The following PEPD variants were observed in gnomAD, a reference collection of about 807,000 sequenced individuals.
PEPD encodes xaa-Pro dipeptidase.
In PEPD, 53 loss-of-function variants were observed where a neutral mutation model predicts 60.7. The ratio of observed to expected loss-of-function variants is 0.87; its 90% CI spans 0.70 to 1.10. The LOEUF (loss-of-function observed/expected upper bound fraction) is 1.10. Among genes scored for constraint, PEPD ranks in the 50% least tolerant of loss-of-function variants. The pLI is 0.00. For synonymous variants in PEPD, 267 were observed against 284.1 expected (o/e 0.94, Z 0.60); for missense variants, 711 against 711.9 (o/e 1.00, Z 0.01).
chr19:33,438,489 G>A (rs766224050), intron 9 of PEPD, among the ~76,000 whole-genome samples: 1 of 152,210 alleles, frequency 6.6e-6, no homozygotes, highest in African/African-American at 2.4e-5. Flanking sequence ...CAAGACCTAC[G>A]TCAGGGCACT....
chr19:33,479,788 A>C (rs1179455632), intron 6 of PEPD, among the ~76,000 whole-genome samples: 2 of 152,216 alleles, frequency 1.3e-5, no homozygotes, highest in African/African-American at 2.4e-5. Context: ...TCCATGGTGC[A>C]TACCATACCA....
chr19:33,438,051 C>T (rs184401865), intron 9 of PEPD, among the ~76,000 whole-genome samples: 25 of 152,340 alleles, frequency 1.6e-4, no homozygotes, highest in Admixed American at 7.8e-4. Context: ...ATGAGAGCCA[C>T]GGGCAATTCT....
At chr19:33,425,496 G>C (rs902673846) in intron 9 of PEPD, among the ~76,000 whole-genome samples, 1 of 152,252 alleles carries the variant, frequency 6.6e-6, no homozygotes, top group African/African-American at 2.4e-5. Context: ...GGGAGGGAAG[G>C]GGCTGCTTTT....
At chr19:33,494,666 C>T (rs1029992589) in intron 4 of PEPD, among the ~76,000 whole-genome samples, 1 of 152,208 alleles carries the variant, frequency 6.6e-6, no homozygotes, top group Non-Finnish European at 1.5e-5. Context: ...CTGAAGACGG[C>T]CTGTGCCAGT....
chr19:33,439,547 C>T (rs1969445360), intron 9 of PEPD, among the ~76,000 whole-genome samples: 1 of 152,214 alleles, frequency 6.6e-6, no homozygotes, highest in Non-Finnish European at 1.5e-5. Flanking sequence ...CAGCTGCTCT[C>T]ACTAGCAGGG....
chr19:33,495,911 G>A (rs990964229), intron 4 of PEPD, among the ~76,000 whole-genome samples: 2 of 152,124 alleles, frequency 1.3e-5, no homozygotes, highest in African/African-American at 2.4e-5. Context: ...AACCTGGGAG[G>A]CAGAGGTTTC....
chr19:33,481,302 C>A (rs1407126436), intron 6 of PEPD, among the ~76,000 whole-genome samples: 1 of 152,196 alleles, frequency 6.6e-6, no homozygotes. Context: ...CGCAGTGGCT[C>A]ATGCCTGCAG....
intron 9 of PEPD, among the ~76,000 whole-genome samples, chr19:33,430,356 G>A (rs1314279036): frequency 1.3e-5 from 2 of 152,092 alleles, no homozygotes; most frequent in African/African-American, 4.8e-5. Context: ...GTTGACGGTC[G>A]AAGTGTCGTT....
intron 11 of PEPD, among the ~76,000 whole-genome samples, chr19:33,408,593 T>G (rs1968694321): frequency 6.6e-6 from 1 of 152,218 alleles, no homozygotes; most frequent in Admixed American, 6.5e-5. Context: ...CTGGCTGCCC[T>G]GGACCAGCTC....
chr19:33,469,770 T>C (rs1409058882), intron 7 of PEPD, among the ~76,000 whole-genome samples: 1 of 152,064 alleles, frequency 6.6e-6, no homozygotes, highest in South Asian at 2.1e-4. Context: ...TGCCAGGCCC[T>C]AACCGTCCTT....
At chr19:33,387,616 G>GCCAC in intron 14 of PEPD, 135 bp from the exon 15 acceptor site, 8 of 1,157,654 alleles carry the variant, frequency 6.9e-6, no homozygotes, top group Non-Finnish European at 1.0e-5. Flanking sequence ...TGGCCTCCGG[G>GCCAC]CTCCTTCATG....
intron 3 of PEPD, among the ~76,000 whole-genome samples, chr19:33,503,522 A>G (rs916704808): frequency 8.5e-5 from 13 of 152,186 alleles, no homozygotes; most frequent in Non-Finnish European, 1.6e-4. Flanking sequence ...CGGAGGCCCC[A>G]GACGCAGGGC....
intron 10 of PEPD, among the ~76,000 whole-genome samples, chr19:33,412,417 C>A (rs965010178): frequency 6.6e-6 from 1 of 152,204 alleles, no homozygotes; most frequent in Non-Finnish European, 1.5e-5. Flanking sequence ...CGGAACCCCT[C>A]CTTTCCTGGT....
intron 11 of PEPD, among the ~76,000 whole-genome samples, chr19:33,410,516 G>A (rs1968739362): frequency 1.3e-5 from 2 of 152,310 alleles, no homozygotes; most frequent in South Asian, 2.1e-4. Context: ...GGGCTCCCAC[G>A]ACTACCTGCT....
At chr19:33,432,936 G>A (rs968522866) in intron 9 of PEPD, among the ~76,000 whole-genome samples, 1 of 152,352 alleles carries the variant, frequency 6.6e-6, no homozygotes, top group African/African-American at 2.4e-5. Context: ...CGGCCTCCTC[G>A]GCTATAGCAG....
chr19:33,418,845 G>A (rs1258455754), intron 9 of PEPD, among the ~76,000 whole-genome samples: 1 of 152,218 alleles, frequency 6.6e-6, no homozygotes, highest in Non-Finnish European at 1.5e-5. Flanking sequence ...AGGCATTCAC[G>A]TGATGTGTCA....
intron 3 of PEPD, among the ~76,000 whole-genome samples, chr19:33,505,931 C>A (rs1014717116): frequency 2.0e-5 from 3 of 148,346 alleles, no homozygotes; most frequent in Non-Finnish European, 4.5e-5. Flanking sequence ...AAACACCCTA[C>A]ACACTACACA....
At chr19:33,485,716 T>A (rs1970385068) in intron 6 of PEPD, among the ~76,000 whole-genome samples, 1 of 152,196 alleles carries the variant, frequency 6.6e-6, no homozygotes, top group African/African-American at 2.4e-5. Context: ...AACTGCTTGC[T>A]TAAATGGAAT....
At chr19:33,492,810 G>C (rs1009783788) in intron 5 of PEPD, among the ~76,000 whole-genome samples, 1 of 152,152 alleles carries the variant, frequency 6.6e-6, no homozygotes, top group African/African-American at 2.4e-5. Flanking sequence ...TCAAGGATGG[G>C]GTCCCATAAA....
Sources: allele counts gnomAD v4.1 joint callset (sites outside exome capture counted in the v4.1 genomes callset), GRCh38; gene constraint gnomAD v4.1.1; transcripts MANE v1.5; gene names NCBI Gene and HGNC (gene_info 2026-07-23, HGNC 2026-07-21).